Variants in CEMIP2 observed in about 807,000 individuals in gnomAD.
The protein encoded by CEMIP2 is cell surface hyaluronidase CEMIP2.
In CEMIP2, 79 loss-of-function variants were observed where a neutral mutation model predicts 146.9. The ratio of observed to expected loss-of-function variants is 0.54; its 90% confidence interval spans 0.45 to 0.65. The LOEUF (loss-of-function observed/expected upper bound fraction) is 0.65, where lower values mean the gene tolerates loss of function less well. Among genes scored for constraint, CEMIP2 ranks in the 30% least tolerant of loss-of-function variants. The pLI, the probability that CEMIP2 is intolerant of heterozygous loss-of-function variation, is 0.00. For missense variants in CEMIP2, 1,596 were observed against 1,696.2 expected, an observed-to-expected ratio of 0.94 and a Z score of 1.04; for synonymous variants, 601 against 606.3, an observed-to-expected ratio of 0.99 and a Z score of 0.13.
At position 71,728,256 on chromosome 9, in the gene CEMIP2, T is replaced by TAC. The variant is rs1564012255; in HGVS notation, c.2049+1587_2049+1588dup. The stretch of plus-strand genomic sequence containing the variant: ...CTATATATATATATATATATGTATA[T>TAC]ACACGTATATATATATATATATATG... On this transcript the variant is annotated intron_variant, in intron 10 of 23. Coordinates refer to ENST00000377044, the MANE Select transcript of CEMIP2 (RefSeq NM_013390.3). Among the ~76,000 whole-genome samples the TAC allele has an allele frequency of 1.3e-3, 40 of 30,716 alleles. 2 individuals are homozygous for TAC. The highest frequency in any genetic ancestry group is 2.2e-3 in the Non-Finnish European group (30 of 13,558). The allele number at this position is 30,716 out of a possible 152,430, so 20.2% of individuals were successfully genotyped here.
intron 20 of CEMIP2, 188 bp downstream of exon 20, chr9:71,697,795 ATC>A (rs1822442329): frequency 1.8e-6 from 1 of 568,936 alleles, no homozygotes; most frequent in East Asian, 2.9e-5. Flanking sequence ...AGGGGCAAGT[ATC>A]TCTGTCATAA....
At chr9:71,727,290 G>T (rs147290660) in intron 10 of CEMIP2, among the ~76,000 whole-genome samples, 2 of 152,120 alleles carry the variant, frequency 1.3e-5, no homozygotes, top group Non-Finnish European at 2.9e-5. Context: ...GACTGTTGAC[G>T]CATAATGTTA....
Position 71,712,144 on chromosome 9 carries a change from A to G in CEMIP2, c.2708T>C (p.Met903Thr). 6.2e-7 allele frequency: 1 copy of G among 1,614,146 alleles called. No homozygotes were observed. ...DRYSSAIGFL[M>T]KNSWQITPRN... ...GGGGGTTATCTGCCAGGAATTCTTC[A>G]TGAGGAAGCCAATTGCACTGCTGTA... Residue 903 changes from methionine (M) to threonine (T), a missense_variant, in exon 16 of 24, where the codon ATG becomes ACG. Transcript: ENST00000377044.
intron 6 of CEMIP2, among the ~76,000 whole-genome samples, chr9:71,733,535 G>A (rs1173189450): frequency 6.6e-6 from 1 of 152,172 alleles, no homozygotes; most frequent in Admixed American, 6.5e-5. Context: ...AAGGCCAGGT[G>A]AGCCAATCAC....
At chr9:71,751,864 G>A (rs767945584) in intron 1 of CEMIP2, among the ~76,000 whole-genome samples, 2 of 152,046 alleles carry the variant, frequency 1.3e-5, no homozygotes, top group African/African-American at 2.4e-5. Context: ...TACTATCTGT[G>A]TTATCACTTA....
intron 21 of CEMIP2, among the ~76,000 whole-genome samples, chr9:71,692,355 T>C (rs1307297198): frequency 1.9e-5 from 2 of 103,268 alleles, no homozygotes; most frequent in Non-Finnish European, 3.5e-5. Context: ...TCTCTCTCTC[T>C]CTACCCCCCA....
rs772298557 is a variant in CEMIP2, at chr9:71,730,092, A to G, written c.1935T>C (p.Asp645=). Residue 645 remains aspartate (D), a synonymous_variant, in exon 9 of 24, where the codon GAT becomes GAC. Coordinates refer to ENST00000377044, the MANE Select transcript of CEMIP2 (RefSeq NM_013390.3). ...RNNSMCTTMR[D]KVFGNYIPVP... is the part of the protein sequence containing the mutation. ...CAGGAATGTAATTTCCAAACACTTT[A>G]TCTCGCATGGTGGTACACATGGAGT... 6.2e-7 allele frequency: 1 copy of G among 1,614,174 alleles called. No homozygotes were observed.
At chr9:71,687,112 T>A (rs1051236160) in intron 22 of CEMIP2, 1 of 152,222 alleles carries the variant, frequency 6.6e-6, no homozygotes, top group Non-Finnish European at 1.5e-5. Flanking sequence ...TCCATTTTAA[T>A]ATTTGATAAA....
In CEMIP2 at chr9:71,745,467, G is replaced by A; in HGVS notation, c.585C>T (p.Arg195=). The change falls in exon 4 of 24, where the codon CGC becomes CGT. Residue 195 remains arginine, a synonymous_variant. Transcript: ENST00000377044. ...GALHIGAEKC[R]YKSKATITLY... is the part of the protein sequence containing the mutation. ...AGGTAATTGTCGCTTTGGATTTATAGCGGCATTTTTCTGCTCCAATATGAA... is the reference window on the plus strand; with the variant it reads ...AGGTAATTGTCGCTTTGGATTTATAACGGCATTTTTCTGCTCCAATATGAA... 1 of 1,613,824 alleles carries A rather than the reference G, an allele frequency of 6.2e-7. No individual in the cohort carries two copies. The highest frequency in any genetic ancestry group is 8.5e-7 in the Non-Finnish European group (1 of 1,179,930).
At chr9:71,709,095 C>T (rs1335056938) in intron 17 of CEMIP2, among the ~76,000 whole-genome samples, 164 bp downstream of exon 17, 3 of 152,092 alleles carry the variant, frequency 2.0e-5, no homozygotes, top group Non-Finnish European at 2.9e-5. Context: ...GTCCATGACT[C>T]CTAATGAATC....
intron 6 of CEMIP2, 39 bp from the exon 7 acceptor site, chr9:71,732,559 C>T: frequency 6.6e-7 from 1 of 1,522,118 alleles, no homozygotes. Flanking sequence ...AATATTAGAA[C>T]AAAGAAAACA....
At chr9:71,689,489 C>T (rs1413478581) in intron 22 of CEMIP2, among the ~76,000 whole-genome samples, 1 of 152,220 alleles carries the variant, frequency 6.6e-6, no homozygotes, top group Admixed American at 6.5e-5. Context: ...TCTTCAGAGA[C>T]ATCAAAGAAA....
At chr9:71,713,309 A>T (rs1333603204) in intron 15 of CEMIP2, among the ~76,000 whole-genome samples, 3 of 152,054 alleles carry the variant, frequency 2.0e-5, no homozygotes, top group African/African-American at 7.2e-5. Context: ...TTAAAAAGAG[A>T]GCACAAGCTC....
At chr9:71,739,055 T>C (rs1823840730) in intron 5 of CEMIP2, among the ~76,000 whole-genome samples, 1 of 152,154 alleles carries the variant, frequency 6.6e-6, no homozygotes, top group South Asian at 2.1e-4. Flanking sequence ...CATTCTCTGA[T>C]TCCTGAAGAA....
intron 19 of CEMIP2, chr9:71,699,297 A>C (rs2131876213): frequency 6.1e-6 from 2 of 329,804 alleles, no homozygotes; most frequent in Admixed American, 7.2e-5. Context: ...AGTCTAAACA[A>C]AAATTGAAAA....
chr9:71,683,856 A>C lies in CEMIP2; in HGVS notation c.*1341T>G, dbSNP rs1390134929. ...TCATTGCCAGTGTCAGCCTGAACACACTTTCTACCACCCACCCTTGGCCAT... is the reference window on the plus strand; with the variant it reads ...TCATTGCCAGTGTCAGCCTGAACACCCTTTCTACCACCCACCCTTGGCCAT... On this transcript the variant is annotated 3_prime_UTR_variant, in exon 24 of 24. Transcript: ENST00000377044. The C allele has an allele frequency of 6.6e-6, 1 of 152,598 alleles. No homozygotes were observed. The highest frequency in any genetic ancestry group is 1.5e-5 in the Non-Finnish European group (1 of 68,068). 9.5% of individuals were successfully genotyped at this position (152,598 alleles called of 1,614,324 possible). A position where few individuals can be genotyped will look rare whatever the true frequency, so the allele number is the denominator to read the frequency against.
intron 1 of CEMIP2, among the ~76,000 whole-genome samples, chr9:71,753,732 CTT>C (rs535364602): frequency 6.6e-4 from 100 of 152,112 alleles, no homozygotes; most frequent in African/African-American, 2.3e-3. Context: ...CAGGATTTCA[CTT>C]TATGTTTGTG....
At position 71,715,672 on chromosome 9, in the gene CEMIP2, G is replaced by C. The variant is rs992114787; in HGVS notation, c.2436-583C>G. Among the ~76,000 whole-genome samples, 12 of 107,960 alleles carry C rather than the reference G, an allele frequency of 1.1e-4. No homozygotes were observed. In the East Asian group the frequency reaches 3.4e-3, roughly 31 times the overall value. 70.8% of individuals were successfully genotyped at this position (107,960 alleles called of 152,430 possible). A position where few individuals can be genotyped will look rare whatever the true frequency, so the allele number is the denominator to read the frequency against. ...TACTTTTTTTTTTTTAAAGAGACAG[G>C]GTCTCATTCTGTCAGCCAGGCTGGA... On this transcript the variant is annotated intron_variant, in intron 14 of 23. Coordinates refer to ENST00000377044, the MANE Select transcript of CEMIP2 (RefSeq NM_013390.3).
rs190712217 is a variant in CEMIP2, at chr9:71,690,181, G to A, written c.3762C>T (p.Ser1254=). Reference sequence around the variant, plus strand: ...TTTTTTCCGTCAAGCGGAATGGAACGCTGCACGGATCCACAACAAGGAGGA... The same window carrying A: ...TTTTTTCCGTCAAGCGGAATGGAACACTGCACGGATCCACAACAAGGAGGA... ...GVLLLVVDPC[S]VPFRLTEKTV... Residue 1254 remains serine, a synonymous_variant, in exon 22 of 24, where the codon AGC becomes AGT. Transcript: ENST00000377044. The A allele has an allele frequency of 4.2e-5, 68 of 1,614,160 alleles. No individual in the cohort carries two copies. The highest frequency in any genetic ancestry group is 2.0e-4 in the Admixed American group (12 of 60,022).
Sources: allele counts gnomAD v4.1 joint callset (sites outside exome capture counted in the v4.1 genomes callset), GRCh38; gene constraint gnomAD v4.1.1; transcripts MANE v1.5; gene names NCBI Gene and HGNC (gene_info 2026-07-23, HGNC 2026-07-21).